Variants in ZMYM4 observed in about 807,000 individuals in gnomAD.
ZMYM4 encodes the protein zinc finger MYM-type protein 4.
A neutral mutation model predicts 183.2 loss-of-function variants in ZMYM4; 31 were observed. The observed-to-expected ratio is 0.17, with a 90% confidence interval of 0.13 to 0.23. The LOEUF (loss-of-function observed/expected upper bound fraction) is 0.23, where lower values mean the gene tolerates loss of function less well. Among genes scored for constraint, ZMYM4 ranks in the 10% least tolerant of loss-of-function variants. The pLI is 1.00. For synonymous variants in ZMYM4, 592 were observed against 631.2 expected (o/e 0.94, Z 0.93); for missense variants, 1,273 against 1,840.3 (o/e 0.69, Z 5.64).
intron 1 of ZMYM4, among the ~76,000 whole-genome samples, chr1:35,322,300 A>G (rs1484695755): frequency 6.6e-6 from 1 of 152,198 alleles, no homozygotes; most frequent in African/African-American, 2.4e-5. Context: ...CAACTTTTTC[A>G]TTCATATTAC....
intron 1 of ZMYM4, among the ~76,000 whole-genome samples, chr1:35,324,791 C>G (rs1281014162): frequency 1.3e-5 from 2 of 152,124 alleles, no homozygotes; most frequent in African/African-American, 4.8e-5. Flanking sequence ...TTCTTTAGTT[C>G]TTTGGTGGAG....
chr1:35,360,084 C>G (rs1643903473), intron 3 of ZMYM4, among the ~76,000 whole-genome samples: 1 of 151,944 alleles, frequency 6.6e-6, no homozygotes, highest in Non-Finnish European at 1.5e-5. Context: ...GTCATTTTCT[C>G]TCTGTATATT....
At chr1:35,321,698 G>A (rs1642288209) in intron 1 of ZMYM4, among the ~76,000 whole-genome samples, 1 of 151,968 alleles carries the variant, frequency 6.6e-6, no homozygotes, top group East Asian at 1.9e-4. Flanking sequence ...ATTTTTGGGA[G>A]ATTAAATTGG....
At chr1:35,352,545 AT>A (rs1220836644) in intron 2 of ZMYM4, among the ~76,000 whole-genome samples, 1 of 152,106 alleles carries the variant, frequency 6.6e-6, no homozygotes, top group East Asian at 1.9e-4. Flanking sequence ...CTCAATCTCT[AT>A]TGGGATCACT....
intron 2 of ZMYM4, among the ~76,000 whole-genome samples, chr1:35,340,579 A>G (rs988911614): frequency 6.6e-6 from 1 of 151,896 alleles, no homozygotes; most frequent in African/African-American, 2.4e-5. Context: ...GATTCTCATA[A>G]TGGGCAGGCA....
At chr1:35,383,879 T>C (rs557226397) in intron 9 of ZMYM4, among the ~76,000 whole-genome samples, 1 of 152,294 alleles carries the variant, frequency 6.6e-6, no homozygotes, top group African/African-American at 2.4e-5. Context: ...GCAGTTAAGC[T>C]CCCTGAGTCC....
intron 1 of ZMYM4, among the ~76,000 whole-genome samples, chr1:35,308,558 G>A (rs969785392): frequency 3.9e-5 from 6 of 152,060 alleles, no homozygotes; most frequent in African/African-American, 1.2e-4. Flanking sequence ...GTGAGTTTTC[G>A]TAGTTAAGAG....
At chr1:35,408,291 AC>A (rs1252082840) in intron 26 of ZMYM4, 132 bp downstream of exon 26, 9 of 1,151,506 alleles carry the variant, frequency 7.8e-6, no homozygotes, top group African/African-American at 3.1e-5. Context: ...GTTTTTAACA[AC>A]AAATTGGAAA....
chr1:35,274,693 C>T (rs535218427), intron 1 of ZMYM4, among the ~76,000 whole-genome samples: 1 of 151,288 alleles, frequency 6.6e-6, no homozygotes, highest in Non-Finnish European at 1.5e-5. Flanking sequence ...CTGGTTCTTC[C>T]CATCTTGTAA....
chr1:35,395,175 G>A (rs1644785815), intron 18 of ZMYM4, among the ~76,000 whole-genome samples: 1 of 150,634 alleles, frequency 6.6e-6, no homozygotes, highest in South Asian at 2.1e-4. Context: ...CACCAAAATA[G>A]CAAGGCTCTA....
chr1:35,302,378 CTTTT>C, intron 1 of ZMYM4, among the ~76,000 whole-genome samples: 1 of 86,164 alleles, frequency 1.2e-5, no homozygotes, highest in Non-Finnish European at 2.2e-5. Context: ...GCTAATTTGA[CTTTT>C]TTTTTTTTTT....
intron 23 of ZMYM4, among the ~76,000 whole-genome samples, chr1:35,399,819 T>G (rs1207852304): frequency 1.3e-5 from 2 of 152,148 alleles, no homozygotes; most frequent in African/African-American, 2.4e-5. Flanking sequence ...TAAAAAACTT[T>G]TTATAGTTAT....
chr1:35,370,650 CT>C, intron 7 of ZMYM4, 23 bp downstream of exon 7: 2 of 1,497,988 alleles, frequency 1.3e-6, no homozygotes, highest in Middle Eastern at 1.8e-4. Context: ...TCTAAATTAT[CT>C]TTTTTGTTTC....
intron 2 of ZMYM4, among the ~76,000 whole-genome samples, chr1:35,334,237 T>C (rs1035329379): frequency 2.6e-5 from 4 of 152,112 alleles, no homozygotes; most frequent in African/African-American, 9.7e-5. Flanking sequence ...GAAAATTGCT[T>C]GAGCCCGGGA....
chr1:35,353,671 C>G (rs1202068398), intron 2 of ZMYM4, among the ~76,000 whole-genome samples: 2 of 152,244 alleles, frequency 1.3e-5, no homozygotes, highest in Middle Eastern at 6.8e-3. Context: ...TTGATATAAG[C>G]TCTGAGAAAC....
At chr1:35,401,013 C>G (rs1335854803) in intron 23 of ZMYM4, among the ~76,000 whole-genome samples, 1 of 152,172 alleles carries the variant, frequency 6.6e-6, no homozygotes, top group Non-Finnish European at 1.5e-5. Flanking sequence ...AGCTGTTTAA[C>G]AGGTGATAAA....
At chr1:35,335,934 AC>A (rs1642957303) in intron 2 of ZMYM4, among the ~76,000 whole-genome samples, 1 of 152,150 alleles carries the variant, frequency 6.6e-6, no homozygotes. Context: ...TCTCAAAAAA[AC>A]AAAACAAAAC....
chr1:35,398,355 T>A, intron 20 of ZMYM4, 58 bp from the exon 21 acceptor site: 1 of 1,466,102 alleles, frequency 6.8e-7, no homozygotes. Context: ...GTCATTTCAT[T>A]TGAGATATAA....
chr1:35,285,132 T>G (rs1205524195), intron 1 of ZMYM4, among the ~76,000 whole-genome samples: 1 of 152,202 alleles, frequency 6.6e-6, no homozygotes, highest in African/African-American at 2.4e-5. Context: ...AAGTTTTTTT[T>G]TTCAAGATTG....
Sources: gnomAD v4.1 joint callset for allele counts (sites outside exome capture counted in the v4.1 genomes callset) on GRCh38, gnomAD v4.1.1 for gene constraint, MANE v1.5 for transcripts, NCBI Gene and HGNC (gene_info 2026-07-23, HGNC 2026-07-21) for gene names.